Variants in RALYL observed in about 807,000 individuals in gnomAD.
RALYL encodes RNA-binding Raly-like protein.
Under a neutral mutation model 35.1 loss-of-function variants are expected in RALYL, and 29 were observed. That is an observed-to-expected ratio of 0.83 (90% CI 0.61 to 1.13). The LOEUF is 1.13. Ranked by LOEUF, RALYL falls within the 50% of genes most tolerant of loss-of-function variation. RALYL has a pLI of 0.00. For synonymous variants in RALYL, 120 were observed against 127.6 expected (o/e 0.94, Z 0.40); for missense variants, 359 against 360.4 (o/e 1.00, Z 0.03).
chr8:84,666,040 A>G (rs1213495020), intron 2 of RALYL, among the ~76,000 whole-genome samples: 1 of 152,058 alleles, frequency 6.6e-6, no homozygotes, highest in African/African-American at 2.4e-5. Flanking sequence ...TAGAGAACTA[A>G]CAGTTCCCCT....
chr8:84,482,069 G>A (rs2054103504), intron 1 of RALYL, among the ~76,000 whole-genome samples: 1 of 152,066 alleles, frequency 6.6e-6, no homozygotes, highest in Non-Finnish European at 1.5e-5. Context: ...CCAAAGCTGT[G>A]AAAGGAAAAT....
chr8:84,887,445 G>A (rs181951169), intron 7 of RALYL, among the ~76,000 whole-genome samples, 159 bp from the exon 8 acceptor site: 1 of 152,166 alleles, frequency 6.6e-6, no homozygotes, highest in Non-Finnish European at 1.5e-5. Context: ...TGATTTACAT[G>A]ATTGAAAAAA....
At chr8:84,799,761 C>T (rs962455659) in intron 3 of RALYL, among the ~76,000 whole-genome samples, 3 of 152,172 alleles carry the variant, frequency 2.0e-5, no homozygotes, top group Admixed American at 1.3e-4. Flanking sequence ...TCGAGACCAT[C>T]CTGGCTAACA....
intron 1 of RALYL, among the ~76,000 whole-genome samples, chr8:84,458,741 A>G (rs2050418362): frequency 6.6e-6 from 1 of 151,848 alleles, no homozygotes; most frequent in Non-Finnish European, 1.5e-5. Context: ...GATCTATCAC[A>G]TAAAAAGTAG....
intron 2 of RALYL, among the ~76,000 whole-genome samples, chr8:84,725,432 T>C (rs1456612914): frequency 1.3e-5 from 2 of 151,740 alleles, no homozygotes; most frequent in Non-Finnish European, 3.0e-5. Context: ...TATTAAACAG[T>C]AACTTTGATA....
At chr8:84,326,011 C>G (rs1263778850) in intron 1 of RALYL, among the ~76,000 whole-genome samples, 2 of 152,068 alleles carry the variant, frequency 1.3e-5, no homozygotes, top group Non-Finnish European at 2.9e-5. Flanking sequence ...ACTTGGGAGG[C>G]TGAGGCAGGA....
chr8:84,728,687 A>T (rs542701504), intron 2 of RALYL, among the ~76,000 whole-genome samples: 1 of 152,104 alleles, frequency 6.6e-6, no homozygotes, highest in Non-Finnish European at 1.5e-5. Flanking sequence ...TCAGCTTTCT[A>T]CATATGGCTA....
chr8:84,902,657 C>T (rs897459942), intron 8 of RALYL, among the ~76,000 whole-genome samples: 2 of 152,046 alleles, frequency 1.3e-5, no homozygotes, highest in African/African-American at 2.4e-5. Flanking sequence ...TGGAGAAAAT[C>T]GTTTCCATTT....
chr8:84,199,620 T>C (rs1290044987), intron 1 of RALYL, among the ~76,000 whole-genome samples: 1 of 152,192 alleles, frequency 6.6e-6, no homozygotes, highest in Non-Finnish European at 1.5e-5. Context: ...AGTAGTTTCA[T>C]AGTTTGAGGT....
intron 2 of RALYL, among the ~76,000 whole-genome samples, chr8:84,768,486 G>A (rs1411769557): frequency 6.6e-6 from 1 of 152,090 alleles, no homozygotes; most frequent in Non-Finnish European, 1.5e-5. Flanking sequence ...CTAAAACCAG[G>A]TTTTAGATGA....
intron 1 of RALYL, among the ~76,000 whole-genome samples, chr8:84,419,993 C>T (rs2045302811): frequency 6.6e-6 from 1 of 150,454 alleles, no homozygotes. Flanking sequence ...GTGAATAATG[C>T]CGCAATAAAC....
At chr8:84,665,988 A>T (rs1831949986) in intron 2 of RALYL, 1 of 151,992 alleles carries the variant, frequency 6.6e-6, no homozygotes, top group African/African-American at 2.4e-5. Flanking sequence ...CCACGTGTTT[A>T]TTTTATCTTG....
At chr8:84,468,273 G>A (rs906993334) in intron 1 of RALYL, among the ~76,000 whole-genome samples, 21 of 151,982 alleles carry the variant, frequency 1.4e-4, no homozygotes, top group South Asian at 6.3e-4. Context: ...ATTTTGCAGC[G>A]GCTGGTACCC....
At chr8:84,266,853 G>A (rs996666789) in intron 1 of RALYL, among the ~76,000 whole-genome samples, 2 of 151,606 alleles carry the variant, frequency 1.3e-5, no homozygotes, top group Admixed American at 6.6e-5. Flanking sequence ...CCAGCTACTC[G>A]GGAGGCTGAG....
intron 1 of RALYL, among the ~76,000 whole-genome samples, chr8:84,357,538 A>G (rs1586571835): frequency 6.6e-6 from 1 of 152,040 alleles, no homozygotes; most frequent in Middle Eastern, 3.4e-3. Context: ...GCACTGGGGA[A>G]ATGTATGCTA....
chr8:84,797,208 C>A (rs1822138078), intron 3 of RALYL, among the ~76,000 whole-genome samples: 1 of 152,158 alleles, frequency 6.6e-6, no homozygotes, highest in South Asian at 2.1e-4. Context: ...AAAAGCAGAT[C>A]AAATCCACAT....
chr8:84,856,804 G>A (rs1340616057), intron 5 of RALYL, among the ~76,000 whole-genome samples: 1 of 151,782 alleles, frequency 6.6e-6, no homozygotes, highest in Non-Finnish European at 1.5e-5. Flanking sequence ...CGAGGCGGGT[G>A]GATCATGAGG....
chr8:84,826,471 A>T (rs1365947682), intron 4 of RALYL, among the ~76,000 whole-genome samples: 1 of 152,092 alleles, frequency 6.6e-6, no homozygotes, highest in Non-Finnish European at 1.5e-5. Flanking sequence ...GTTGAGAAAA[A>T]AATTTTACCA....
At chr8:84,405,638 A>T (rs2043398039) in intron 1 of RALYL, among the ~76,000 whole-genome samples, 1 of 152,076 alleles carries the variant, frequency 6.6e-6, no homozygotes, top group African/African-American at 2.4e-5. Context: ...GGACACATAT[A>T]CCCTCTCAAG....
Sources: allele counts gnomAD v4.1 joint callset (sites outside exome capture counted in the v4.1 genomes callset), GRCh38; gene constraint gnomAD v4.1.1; transcripts MANE v1.5; gene names NCBI Gene and HGNC (gene_info 2026-07-23, HGNC 2026-07-21).